MLC1: variants seen among roughly 807,000 people sequenced by gnomAD.
MLC1 encodes membrane protein MLC1.
In MLC1, 32 loss-of-function variants were observed where a neutral mutation model predicts 44.7. The ratio of observed to expected loss-of-function variants is 0.72; its 90% CI spans 0.54 to 0.96. The LOEUF is 0.96. Ranked by LOEUF, MLC1 falls within the 40% of genes least tolerant of loss-of-function variation. MLC1 has a pLI of 0.00. For missense variants in MLC1, 459 were observed against 492.2 expected, an observed-to-expected ratio of 0.93 and a Z score of 0.64; for synonymous variants, 190 against 213.0, an observed-to-expected ratio of 0.89 and a Z score of 0.94.
At position 50,064,063 on chromosome 22, in the gene MLC1, T is replaced by A. The variant is rs151277915; in HGVS notation, c.1030A>T (p.Asn344Tyr). The A allele has an allele frequency of 6.3e-7, 1 of 1,592,758 alleles. No homozygotes were observed. The highest frequency in any genetic ancestry group is 8.5e-7 in the Non-Finnish European group (1 of 1,173,590). The stretch of plus-strand genomic sequence containing the variant: ...CCAGCCAGGCGCTCCTGCGGGCCGT[T>A]CTGGGTGTCCCAGGATGCACCCTGC... The part of the protein sequence containing the change: ...RLQGASWDTQ[N>Y]GPQERLAGEV... Residue 344 changes from asparagine to tyrosine, a missense_variant, in exon 11 of 12, where the codon AAC becomes TAC. Transcript: ENST00000311597.
intron 3 of MLC1, among the ~76,000 whole-genome samples, chr22:50,081,797 G>A (rs914700684): frequency 9.2e-5 from 14 of 152,246 alleles, no homozygotes; most frequent in Non-Finnish European, 1.5e-4. Context: ...GGGCAGGGCC[G>A]AGTGGGGCCA....
intron 9 of MLC1, among the ~76,000 whole-genome samples, 177 bp from the exon 10 acceptor site, chr22:50,068,732 T>TC (rs1179073293): frequency 2.3e-4 from 33 of 141,754 alleles, no homozygotes; most frequent in Non-Finnish European, 1.4e-4. Flanking sequence ...TTTCTTTTTT[T>TC]TTTTTTTTTT....
chr22:50,084,737 C>T lies in MLC1; in HGVS notation c.166G>A (p.Val56Met). ...GTGGAGCTACTCACCCCCATCAGCA[C>T]AGAGAAGACCCACGTCTTGTGGCTG... The part of the protein sequence containing the change: ...CFSHKTWVFS[V>M]LMGSCLLVTS... The change falls in exon 2 of 12, where the codon GTG becomes ATG. Residue 56 changes from valine (V) to methionine (M), a missense_variant. By Grantham distance (21) the Val-to-Met change is conservative. Transcript: ENST00000311597. The T allele has an allele frequency of 6.2e-7, 1 of 1,614,098 alleles. No individual in the cohort carries two copies. The highest frequency in any genetic ancestry group is 8.5e-7 in the Non-Finnish European group (1 of 1,180,046).
chr22:50,075,266 C>T (rs1397052543), intron 7 of MLC1, among the ~76,000 whole-genome samples: 1 of 152,100 alleles, frequency 6.6e-6, no homozygotes, highest in African/African-American at 2.4e-5. Context: ...AACCTGCTCC[C>T]GTGAAGGATC....
intron 11 of MLC1, among the ~76,000 whole-genome samples, chr22:50,063,096 T>C (rs2061605972): frequency 6.6e-6 from 1 of 152,150 alleles, no homozygotes; most frequent in Non-Finnish European, 1.5e-5. Context: ...TCTGTGTCTC[T>C]AAGAGCAAAT....
Position 50,068,570 on chromosome 22 carries a change from C to T in MLC1, c.772-15G>A, listed in dbSNP as rs374916974. The T allele has an allele frequency of 1.3e-4, 181 of 1,380,554 alleles. No homozygotes were observed. Among genetic ancestry groups the T allele is most frequent in the Admixed American group, 1.9e-4 (10 of 52,576 alleles). 85.5% of individuals were successfully genotyped at this position (1,380,554 alleles called of 1,614,324 possible). On this transcript the variant is annotated splice_polypyrimidine_tract_variant and intron_variant, in intron 9 of 11. Coordinates refer to ENST00000311597, the MANE Select transcript of MLC1 (RefSeq NM_015166.4). Reference sequence around the variant, plus strand: ...AGGACCTCCACCTGGAAAAAAAGCGCGGGTTGCAGGACCACGGCCGGAGCC... The same window carrying T: ...AGGACCTCCACCTGGAAAAAAAGCGTGGGTTGCAGGACCACGGCCGGAGCC...
chr22:50,081,268 A>T (rs2062134231), intron 3 of MLC1, among the ~76,000 whole-genome samples: 1 of 152,026 alleles, frequency 6.6e-6, no homozygotes, highest in African/African-American at 2.4e-5. Context: ...GCTTGAACCC[A>T]GGAGGTGGAG....
chr22:50,077,357 T>C (rs1158077973), intron 6 of MLC1, 44 bp downstream of exon 6: 1 of 1,557,838 alleles, frequency 6.4e-7, no homozygotes. Flanking sequence ...CCTGGGGTGA[T>C]GCCTCTGCAC....
chr22:50,083,912 C>T lies in MLC1; in HGVS notation c.178-739G>A, dbSNP rs1487893993. Among the ~76,000 whole-genome samples the T allele has an allele frequency of 1.5e-4, 23 of 152,016 alleles. 1 individual carries two copies. Among genetic ancestry groups the T allele is most frequent in the Admixed American group, 1.5e-3 (23 of 15,262 alleles). ...GGAGGAGGGCAGAGCCCGGAGATGGCCACCACCACCCGGGAGCCGCCTCTG... is the reference window on the plus strand; with the variant it reads ...GGAGGAGGGCAGAGCCCGGAGATGGTCACCACCACCCGGGAGCCGCCTCTG... On this transcript the variant is annotated intron_variant, in intron 2 of 11. Coordinates refer to ENST00000311597, the MANE Select transcript of MLC1 (RefSeq NM_015166.4). This position sits in a 1 kb window ranked among gnomAD's most constrained non-coding sequence, Gnocchi z 4.6.
rs116535312 is a variant in MLC1 at position 50,061,050 on chromosome 22, A to G, written c.*533T>C. ...GCGCCCAGCCCTGCTCTCACTGTCC[A>G]GGAAGAGCCGCTGGGCAGCCTGAGC... On this transcript the variant is annotated 3_prime_UTR_variant, in exon 12 of 12. Coordinates refer to ENST00000311597, the MANE Select transcript of MLC1 (RefSeq NM_015166.4). 136 of 180,970 alleles carry G rather than the reference A, an allele frequency of 7.5e-4. No individual in the cohort carries two copies. Among genetic ancestry groups the G allele is most frequent in the African/African-American group, 3.0e-3 (128 of 42,722 alleles). 11.2% of individuals were successfully genotyped at this position (180,970 alleles called of 1,614,324 possible).
At chr22:50,081,940 G>A (rs531354933) in intron 3 of MLC1, among the ~76,000 whole-genome samples, 20 of 152,386 alleles carry the variant, frequency 1.3e-4, no homozygotes, top group African/African-American at 3.8e-4. Flanking sequence ...TCCAGAGAGG[G>A]CAGCAGAGTG....
chr22:50,070,669 T>G, intron 8 of MLC1, 86 bp from the exon 9 acceptor site: 2 of 1,387,542 alleles, frequency 1.4e-6, no homozygotes, highest in Non-Finnish European at 2.0e-6. Context: ...CAGTGACCCC[T>G]CCATGCAGGC....
intron 1 of MLC1, 136 bp from the exon 2 acceptor site, chr22:50,085,097 A>G (rs2062249065): frequency 4.8e-6 from 7 of 1,443,720 alleles, no homozygotes; most frequent in Non-Finnish European, 6.4e-6. Flanking sequence ...GAGCACTTGA[A>G]TCTAAAAGTG....
chr22:50,077,184 T>G (rs2062005014), intron 6 of MLC1, among the ~76,000 whole-genome samples: 1 of 152,180 alleles, frequency 6.6e-6, no homozygotes, highest in African/African-American at 2.4e-5. Flanking sequence ...GTACAGCATC[T>G]GTCTTCACCT....
Position 50,068,472 on chromosome 22 carries a change from T to A in MLC1, c.855A>T (p.Arg285Ser), listed in dbSNP as rs1383047118. The change falls in exon 10 of 12, where the codon AGA becomes AGT. Residue 285 changes from arginine (R) to serine (S), a missense_variant. Physicochemically the swap from Arg to Ser is moderately radical, Grantham distance 110. Coordinates refer to ENST00000311597, the MANE Select transcript of MLC1 (RefSeq NM_015166.4). ...ASGYLSFSIM[R>S]IVEMFKDYPP... The stretch of plus-strand genomic sequence containing the variant: ...GGTAATCCTTAAACATCTCCACGAT[T>A]CTCATGATGCTGAATGACAGATATC... 1 of 1,613,802 alleles carries A rather than the reference T, an allele frequency of 6.2e-7. No homozygotes were observed. The highest frequency in any genetic ancestry group is 1.3e-5 in the African/African-American group (1 of 74,924).
intron 5 of MLC1, among the ~76,000 whole-genome samples, chr22:50,078,392 G>T (rs2062035183): frequency 6.6e-6 from 1 of 152,226 alleles, no homozygotes; most frequent in South Asian, 2.1e-4. Flanking sequence ...GCCACAGGAA[G>T]ATGTAGATAT....
At chr22:50,063,157 C>T (rs3817811) in intron 11 of MLC1, among the ~76,000 whole-genome samples, 18,501 of 152,132 alleles carry the variant, frequency 0.12, 1,263 homozygotes, top group South Asian at 0.23. Flanking sequence ...TGGGTTTACC[C>T]AGGCTTTGTG....
At chr22:50,066,576 C>G (rs2061706485) in intron 10 of MLC1, among the ~76,000 whole-genome samples, 1 of 151,902 alleles carries the variant, frequency 6.6e-6, no homozygotes, top group Non-Finnish European at 1.5e-5. Context: ...AGGAGAATCA[C>G]TTGAACCCAG....
chr22:50,072,101 G>C (rs2033367684), intron 8 of MLC1, among the ~76,000 whole-genome samples: 1 of 152,248 alleles, frequency 6.6e-6, no homozygotes, highest in South Asian at 2.1e-4. Context: ...CCTTCTAGCT[G>C]TAAGCAGCAG....
Sources: gnomAD v4.1 joint callset for allele counts (sites outside exome capture counted in the v4.1 genomes callset) on GRCh38, gnomAD v4.1.1 for gene constraint, Gnocchi (gnomAD v3.1) non-coding constraint, MANE v1.5 for transcripts, NCBI Gene and HGNC (gene_info 2026-07-23, HGNC 2026-07-21) for gene names.